The following KYAT3 variants were observed in gnomAD, a reference collection of about 807,000 sequenced individuals.
KYAT3 encodes the protein kynurenine aminotransferase 3.
In KYAT3, 50 loss-of-function variants were observed where a neutral mutation model predicts 59.0. The ratio of observed to expected loss-of-function variants is 0.85; its 90% CI spans 0.68 to 1.07. The LOEUF (loss-of-function observed/expected upper bound fraction) is 1.07. Ranked by LOEUF, KYAT3 falls within the 50% of genes least tolerant of loss-of-function variation. The pLI is 0.00. For synonymous variants in KYAT3, 148 were observed against 177.0 expected (o/e 0.84, Z 1.30); for missense variants, 497 against 533.3 (o/e 0.93, Z 0.67).
chr1:88,938,133 C>A (rs189509723), intron 13 of KYAT3, among the ~76,000 whole-genome samples: 1 of 151,992 alleles, frequency 6.6e-6, no homozygotes, highest in Non-Finnish European at 1.5e-5. Flanking sequence ...TGGGGGTGAT[C>A]GGAGCATCCT....
chr1:88,990,852 CAT>C (rs200723667), intron 1 of KYAT3, among the ~76,000 whole-genome samples: 4 of 151,820 alleles, frequency 2.6e-5, no homozygotes, highest in African/African-American at 4.8e-5. Flanking sequence ...ATCAACATTG[CAT>C]ATATATATAT....
At chr1:88,991,154 T>C (rs928304598) in intron 1 of KYAT3, among the ~76,000 whole-genome samples, 1 of 152,206 alleles carries the variant, frequency 6.6e-6, no homozygotes, top group Non-Finnish European at 1.5e-5. Flanking sequence ...ATTCAGAAAG[T>C]ATGCTTGGCA....
intron 1 of KYAT3, among the ~76,000 whole-genome samples, chr1:88,990,801 C>T (rs559899879): frequency 6.6e-6 from 1 of 152,270 alleles, no homozygotes; most frequent in South Asian, 2.1e-4. Flanking sequence ...TAGTTTACAT[C>T]TGCATTTTAT....
chr1:88,954,716 G>A (rs776480865), intron 9 of KYAT3, among the ~76,000 whole-genome samples: 12 of 152,046 alleles, frequency 7.9e-5, no homozygotes, highest in Non-Finnish European at 1.6e-4. Context: ...AGATCACCAG[G>A]TATAAAAATC....
At chr1:88,969,331 C>CA (rs59490538) in intron 3 of KYAT3, 78 bp downstream of exon 3, 9,093 of 823,480 alleles carry the variant, frequency 0.011, 203 homozygotes, top group African/African-American at 0.082. Flanking sequence ...ATGGATGAGG[C>CA]AAAAAAAACT....
intron 2 of KYAT3, among the ~76,000 whole-genome samples, chr1:88,985,054 C>T (rs59925130): frequency 0.052 from 7,883 of 152,270 alleles, 717 homozygotes; most frequent in African/African-American, 0.18. Context: ...ACAATTACTT[C>T]AGAGAAACAA....
At chr1:88,974,469 C>CTTTTTTTTTTT (rs71084932) in intron 2 of KYAT3, among the ~76,000 whole-genome samples, 1 of 69,660 alleles carries the variant, frequency 1.4e-5, no homozygotes, top group Non-Finnish European at 2.5e-5. Flanking sequence ...GTGTCTCTCT[C>CTTTTTTTTTTT]TTTTTTTTTT....
chr1:88,970,296 A>C (rs904723300), intron 2 of KYAT3, among the ~76,000 whole-genome samples: 1 of 152,222 alleles, frequency 6.6e-6, no homozygotes, highest in Admixed American at 6.5e-5. Context: ...AGTGCTTTAC[A>C]TAATGAACTC....
At chr1:88,937,038 G>A (rs1300685598) in intron 13 of KYAT3, among the ~76,000 whole-genome samples, 1 of 152,344 alleles carries the variant, frequency 6.6e-6, no homozygotes, top group Admixed American at 6.5e-5. Context: ...GGAACAGGAT[G>A]TCAGAGTCTG....
intron 2 of KYAT3, among the ~76,000 whole-genome samples, chr1:88,987,514 G>A (rs1178226689): frequency 6.6e-6 from 1 of 152,030 alleles, no homozygotes; most frequent in Non-Finnish European, 1.5e-5. Flanking sequence ...AACCAGTTAT[G>A]ACAAAAATGG....
chr1:88,989,982 T>C (rs75701221), intron 1 of KYAT3, among the ~76,000 whole-genome samples: 2,129 of 152,270 alleles, frequency 0.014, 57 homozygotes, highest in African/African-American at 0.049. Context: ...ATTTTGTAGG[T>C]AACACTTGTC....
At chr1:88,964,743 AAG>A (rs1384804421) in intron 5 of KYAT3, 84 bp downstream of exon 5, 5 of 1,060,930 alleles carry the variant, frequency 4.7e-6, no homozygotes, top group South Asian at 4.3e-5. Flanking sequence ...AAAAAGAGAA[AAG>A]AGTAGAATAT....
downstream of KYAT3, among the ~76,000 whole-genome samples, chr1:88,933,595 T>C (rs1277786473): frequency 1.3e-5 from 2 of 152,128 alleles, no homozygotes; most frequent in African/African-American, 4.8e-5. Context: ...GATTTGAACA[T>C]ATCCCACTTC....
chr1:88,962,646 C>A (rs1003592405), intron 5 of KYAT3, among the ~76,000 whole-genome samples: 2 of 152,162 alleles, frequency 1.3e-5, no homozygotes, highest in Non-Finnish European at 2.9e-5. Context: ...ATGTTTCTCT[C>A]TTCTCAAAAG....
At chr1:88,921,161 A>G in the KYAT3 span, among the ~76,000 whole-genome samples, 4 of 152,196 alleles carry the variant, frequency 2.6e-5, no homozygotes, top group Non-Finnish European at 4.4e-5. Context: ...CATCCTTATT[A>G]TATAGACATT....
chr1:88,954,529 T>A (rs74097891), intron 9 of KYAT3, among the ~76,000 whole-genome samples: 1 of 152,148 alleles, frequency 6.6e-6, no homozygotes, highest in African/African-American at 2.4e-5. Context: ...CTATTATTTT[T>A]CTCCTTTTAT....
chr1:88,973,505 C>A (rs984254604), intron 2 of KYAT3, among the ~76,000 whole-genome samples: 8 of 152,184 alleles, frequency 5.3e-5, no homozygotes, highest in Admixed American at 5.2e-4. Flanking sequence ...GGAATCAGGG[C>A]ATGAGTCCCA....
chr1:88,975,986 A>G (rs1194799007), intron 2 of KYAT3, among the ~76,000 whole-genome samples: 1 of 151,980 alleles, frequency 6.6e-6, no homozygotes, highest in Non-Finnish European at 1.5e-5. Context: ...GTGAGCCGGG[A>G]TCATGCCACT....
chr1:88,948,256 A>G (rs748263930), intron 11 of KYAT3, among the ~76,000 whole-genome samples: 20 of 152,292 alleles, frequency 1.3e-4, no homozygotes, highest in Non-Finnish European at 2.6e-4. Flanking sequence ...AAAACACTTC[A>G]GTTTTTCAAG....
Sources: gnomAD v4.1 joint callset for allele counts (sites outside exome capture counted in the v4.1 genomes callset) on GRCh38, gnomAD v4.1.1 for gene constraint, MANE v1.5 for transcripts, NCBI Gene and HGNC (gene_info 2026-07-23, HGNC 2026-07-21) for gene names.